Variants in NRG4 observed in about 807,000 individuals in gnomAD.
NRG4 encodes the protein pro-neuregulin-4, membrane-bound isoform.
Under a neutral mutation model 15.0 loss-of-function variants are expected in NRG4, and 10 were observed. That is an observed-to-expected ratio of 0.67 (90% confidence interval 0.41 to 1.13). NRG4 has a LOEUF of 1.13. Ranked by LOEUF, NRG4 falls within the 50% of genes most tolerant of loss-of-function variation. The probability of loss-of-function intolerance (pLI) is 0.00; values close to 1 mark genes in which losing one functional copy is unlikely to be tolerated. For synonymous variants in NRG4, 41 were observed against 50.1 expected (o/e 0.82, Z 0.77); for missense variants, 139 against 140.2 (o/e 0.99, Z 0.04).
intron 3 of NRG4, among the ~76,000 whole-genome samples, chr15:76,002,987 T>C (rs1183644441): frequency 6.6e-6 from 1 of 152,098 alleles, no homozygotes; most frequent in Non-Finnish European, 1.5e-5. Flanking sequence ...TTAATTGAAA[T>C]TTACAGAATG....
At chr15:76,035,385 T>C (rs1382671203) in intron 5 of NRG4, among the ~76,000 whole-genome samples, 5 of 152,226 alleles carry the variant, frequency 3.3e-5, no homozygotes, top group African/African-American at 1.2e-4. Flanking sequence ...AACAGGATTG[T>C]TATGACTGGT....
intron 5 of NRG4, among the ~76,000 whole-genome samples, chr15:76,028,435 CA>C (rs1342681938): frequency 6.6e-6 from 1 of 151,804 alleles, no homozygotes; most frequent in Non-Finnish European, 1.5e-5. Context: ...AAGATGGAAC[CA>C]AGAAGAAATG....
chr15:75,996,616 C>A (rs80354572), intron 3 of NRG4, among the ~76,000 whole-genome samples: 1,587 of 152,044 alleles, frequency 0.01, 34 homozygotes, highest in African/African-American at 0.036. Flanking sequence ...GAAAAAGTGC[C>A]AAATTTCTAT....
chr15:75,940,561 G>A (rs1205380098), downstream of NRG4: 7 of 151,720 alleles, frequency 4.6e-5, no homozygotes, highest in Admixed American at 4.6e-4. Flanking sequence ...GAACAAATTG[G>A]AGGACTTAAA....
intron 5 of NRG4, among the ~76,000 whole-genome samples, chr15:76,022,041 T>C (rs2035170761): frequency 6.6e-6 from 1 of 152,216 alleles, no homozygotes; most frequent in African/African-American, 2.4e-5. Flanking sequence ...GAGAATCTAA[T>C]GCGACCGCTG....
intron 5 of NRG4, among the ~76,000 whole-genome samples, chr15:76,034,934 A>G (rs1412981335): frequency 6.6e-6 from 1 of 152,212 alleles, no homozygotes; most frequent in South Asian, 2.1e-4. Context: ...AGTAATTAAT[A>G]CATGCCAATA....
At chr15:75,948,585 C>T (rs1206103985) in intron 5 of NRG4, among the ~76,000 whole-genome samples, 2 of 16,920 alleles carry the variant, frequency 1.2e-4, no homozygotes, top group Admixed American at 2.4e-3. Flanking sequence ...AGGCATGAGT[C>T]ACTGCGCCGC....
chr15:76,020,046 C>T (rs1257835278), intron 5 of NRG4, among the ~76,000 whole-genome samples: 5 of 152,108 alleles, frequency 3.3e-5, no homozygotes, highest in Non-Finnish European at 7.3e-5. Context: ...ATTATTCTAT[C>T]GGTTATGGTG....
intron 3 of NRG4, among the ~76,000 whole-genome samples, chr15:75,996,579 C>A (rs907286112): frequency 6.6e-6 from 1 of 152,010 alleles, no homozygotes; most frequent in African/African-American, 2.4e-5. Context: ...CTTAGAGTAG[C>A]AAAGAAGAGA....
At chr15:76,008,433 T>C (rs2034687806) in intron 3 of NRG4, among the ~76,000 whole-genome samples, 1 of 152,250 alleles carries the variant, frequency 6.6e-6, no homozygotes, top group African/African-American at 2.4e-5. Flanking sequence ...GATTCTATAC[T>C]TCTCATTTCA....
upstream of NRG4, among the ~76,000 whole-genome samples, chr15:76,013,239 A>G (rs2034872986): frequency 6.6e-6 from 1 of 152,184 alleles, no homozygotes; most frequent in Non-Finnish European, 1.5e-5. Flanking sequence ...CATTAGGAGA[A>G]TGGTGTGAAC....
chr15:76,033,219 G>A (rs1469446088), intron 5 of NRG4, among the ~76,000 whole-genome samples: 1 of 152,104 alleles, frequency 6.6e-6, no homozygotes, highest in Non-Finnish European at 1.5e-5. Flanking sequence ...TACTGTAAAA[G>A]TTTTTTTGTT....
chr15:75,966,123 T>C (rs1456018993), intron 3 of NRG4, among the ~76,000 whole-genome samples: 2 of 141,534 alleles, frequency 1.4e-5, no homozygotes, highest in Non-Finnish European at 3.3e-5. Context: ...ACCAATTATC[T>C]GCTCCCAAAC....
intron 3 of NRG4, among the ~76,000 whole-genome samples, chr15:76,000,346 A>G (rs963762587): frequency 2.4e-4 from 37 of 152,236 alleles, no homozygotes; most frequent in African/African-American, 8.7e-4. Context: ...AATTGATATT[A>G]TAGACAAAAG....
chr15:75,981,251 A>C (rs1013114061), intron 3 of NRG4, among the ~76,000 whole-genome samples: 1 of 152,166 alleles, frequency 6.6e-6, no homozygotes. Flanking sequence ...CCATGTATGA[A>C]GTCTGACTAT....
At chr15:75,944,925 A>G (rs575046660) in intron 5 of NRG4, among the ~76,000 whole-genome samples, 1 of 151,744 alleles carries the variant, frequency 6.6e-6, no homozygotes, top group African/African-American at 2.4e-5. Context: ...CTTACAAAAA[A>G]ACAACAGTAA....
chr15:75,968,552 A>C (rs1196492432), intron 3 of NRG4, among the ~76,000 whole-genome samples: 2 of 147,160 alleles, frequency 1.4e-5, no homozygotes, highest in East Asian at 4.0e-4. Flanking sequence ...GTGCCACTGC[A>C]CTCCAGCCTT....
At chr15:75,936,851 G>T (rs1192501045), downstream of NRG4, 1 of 152,200 alleles carries the variant, frequency 6.6e-6, no homozygotes, top group Non-Finnish European at 1.5e-5. Flanking sequence ...GGGATTACAG[G>T]CGTGAGCCAC....
intron 5 of NRG4, among the ~76,000 whole-genome samples, chr15:75,946,775 A>G (rs1413350443): frequency 6.6e-6 from 1 of 152,108 alleles, no homozygotes; most frequent in African/African-American, 2.4e-5. Flanking sequence ...GAATTTGCCT[A>G]TTCTAGGTGC....
Sources: allele counts gnomAD v4.1 joint callset (sites outside exome capture counted in the v4.1 genomes callset), GRCh38; gene constraint gnomAD v4.1.1; transcripts MANE v1.5; gene names NCBI Gene and HGNC (gene_info 2026-07-23, HGNC 2026-07-21).